The following COPG2 variants were observed in gnomAD, a reference collection of about 807,000 sequenced individuals.
COPG2 encodes the protein coatomer subunit gamma-2.
Under a neutral mutation model 46.3 loss-of-function variants are expected in COPG2, and 37 were observed. The ratio of observed to expected loss-of-function variants is 0.80; its 90% confidence interval spans 0.61 to 1.05. The LOEUF is 1.05. COPG2 is among the 50% of genes least tolerant of loss of function. The pLI is 0.00. For synonymous variants in COPG2, 159 were observed against 129.7 expected (o/e 1.23, Z -1.53); for missense variants, 427 against 387.8 (o/e 1.10, Z -0.85).
rs990741563 is a variant in COPG2, at chr7:130,536,396, G to A, written c.2149+11278C>T. Among the ~76,000 whole-genome samples, 513 of 152,298 alleles carry A rather than the reference G, an allele frequency of 3.4e-3. 2 individuals are homozygous for A. Among genetic ancestry groups the A allele is most frequent in the African/African-American group, 0.012 (487 of 41,566 alleles). On this transcript the variant is annotated intron_variant, in intron 20 of 23. Transcript: ENST00000425248. ...TGAGGGGTGGGTTTCACCCGAGGGA[G>A]GGCTGGGGACATGGACCCCCAGGCA...
At chr7:130,507,905 C>T (rs1323351692) in intron 21 of COPG2, 82 bp from the exon 22 acceptor site, 11 of 715,536 alleles carry the variant, frequency 1.5e-5, no homozygotes, top group Middle Eastern at 5.2e-4. Flanking sequence ...TATGGTCCTC[C>T]GGAGCCTAGA....
At chr7:130,626,049 A>T (rs782055883) in intron 5 of COPG2, among the ~76,000 whole-genome samples, 1 of 152,240 alleles carries the variant, frequency 6.6e-6, no homozygotes, top group African/African-American at 2.4e-5. Flanking sequence ...ATGCATAGTT[A>T]TCACATCAGG....
intron 12 of COPG2, among the ~76,000 whole-genome samples, chr7:130,560,703 C>T (rs1793705095): frequency 6.6e-6 from 1 of 151,986 alleles, no homozygotes; most frequent in East Asian, 1.9e-4. Flanking sequence ...CAAAGCACTC[C>T]AACAGGGAAA....
intron 20 of COPG2, among the ~76,000 whole-genome samples, chr7:130,532,114 G>A (rs1259755092): frequency 1.3e-5 from 2 of 152,214 alleles, no homozygotes; most frequent in Non-Finnish European, 2.9e-5. Context: ...GAAGACGCAC[G>A]TGCAGCAGGG....
rs945147902 is a variant in COPG2 at position 130,535,130 on chromosome 7, A to G, written c.2149+12544T>C. On this transcript the variant is annotated intron_variant, in intron 20 of 23. Coordinates refer to ENST00000425248, the MANE Select transcript of COPG2 (RefSeq NM_012133.6). The stretch of plus-strand genomic sequence containing the variant: ...AGGTCAAAGTAGTGAGCACATCCCT[A>G]TGGAGAAGAGATGACTGAGTCAGAT... Among the ~76,000 whole-genome samples the G allele has an allele frequency of 2.3e-4, 35 of 152,172 alleles. 1 individual carries two copies. The highest frequency in any genetic ancestry group is 1.6e-4 in the Non-Finnish European group (11 of 68,022).
chr7:130,510,863 T>A, intron 20 of COPG2: 1 of 514,402 alleles, frequency 1.9e-6, no homozygotes. Flanking sequence ...GGCCTTTCCA[T>A]GGCAAGAAAA....
chr7:130,522,315 T>G (rs1435990281), intron 20 of COPG2, among the ~76,000 whole-genome samples: 2 of 152,264 alleles, frequency 1.3e-5, no homozygotes, highest in East Asian at 3.9e-4. Context: ...ATGAAAATAC[T>G]ATAGTACAGT....
intron 20 of COPG2, among the ~76,000 whole-genome samples, chr7:130,536,278 C>A (rs916633052): frequency 7.9e-5 from 12 of 151,958 alleles, no homozygotes; most frequent in African/African-American, 2.7e-4. Context: ...AGGAAGTGTA[C>A]CTGGAAATAC....
chr7:130,568,210 C>T (rs1467760276), intron 9 of COPG2, among the ~76,000 whole-genome samples: 1 of 152,022 alleles, frequency 6.6e-6, no homozygotes, highest in Non-Finnish European at 1.5e-5. Context: ...GGGAGACGGA[C>T]GTTGCGGTGA....
Position 130,617,079 on chromosome 7 carries a change from A to T in COPG2, c.324-14T>A. On this transcript the variant is annotated splice_polypyrimidine_tract_variant and intron_variant, in intron 5 of 23. Coordinates refer to ENST00000425248, the MANE Select transcript of COPG2 (RefSeq NM_012133.6). ...TCTTTAGTCAGACTAAGAAAAATCAAATTGGTTAACATAAGATCAATTAAA... is the reference window on the plus strand; with the variant it reads ...TCTTTAGTCAGACTAAGAAAAATCATATTGGTTAACATAAGATCAATTAAA... The T allele has an allele frequency of 6.3e-7, 1 of 1,576,188 alleles. No individual in the cohort carries two copies. Among genetic ancestry groups the T allele is most frequent in the South Asian group, 1.1e-5 (1 of 89,222 alleles).
chr7:130,557,923 C>A (rs1460822243), intron 12 of COPG2, among the ~76,000 whole-genome samples: 1 of 141,672 alleles, frequency 7.1e-6, no homozygotes, highest in Non-Finnish European at 1.5e-5. Context: ...ATATTTAGAA[C>A]AGAGTATAGC....
intron 5 of COPG2, among the ~76,000 whole-genome samples, chr7:130,639,396 T>C (rs1795417821): frequency 6.6e-6 from 1 of 152,170 alleles, no homozygotes; most frequent in Non-Finnish European, 1.5e-5. Context: ...ATTTTGGGGG[T>C]ATCTATTGAT....
At position 130,554,641 on chromosome 7, in the gene COPG2, T is replaced by C. The variant is rs1265143406; in HGVS notation, c.1308A>G (p.Leu436=). Residue 436 remains leucine (L), a synonymous_variant, in exon 14 of 24, where the codon CTA becomes CTG. Coordinates refer to ENST00000425248, the MANE Select transcript of COPG2 (RefSeq NM_012133.6). Reference sequence around the variant, plus strand: ...CCTCAATGAATTCACAAAGGTGGGCTAGGCCTGCTTCTTTACTCTCAGGGT... The same window carrying C: ...CCTCAATGAATTCACAAAGGTGGGCCAGGCCTGCTTCTTTACTCTCAGGGT... ...EENPESKEAG[L]AHLCEFIEDC... is the part of the protein sequence containing the mutation. 5.0e-6 allele frequency: 2 copies of C among 398,504 alleles called. No homozygotes were observed. Among genetic ancestry groups the C allele is most frequent in the Non-Finnish European group, 8.8e-6 (2 of 226,094 alleles). The allele number at this position is 398,504 out of a possible 1,614,324, so 24.7% of individuals were successfully genotyped here.
chr7:130,655,994 T>C (rs1416429713), intron 4 of COPG2, among the ~76,000 whole-genome samples: 1 of 152,186 alleles, frequency 6.6e-6, no homozygotes, highest in Non-Finnish European at 1.5e-5. Flanking sequence ...GTCTATATGA[T>C]TTCAATCCTT....
At chr7:130,623,842 A>G (rs369176205) in intron 5 of COPG2, among the ~76,000 whole-genome samples, 4 of 151,984 alleles carry the variant, frequency 2.6e-5, no homozygotes, top group African/African-American at 7.3e-5. Context: ...GAAAAATAAA[A>G]CAATTTTTTT....
intron 9 of COPG2, chr7:130,603,721 CAAAAA>C (rs782190006): frequency 2.2e-3 from 439 of 202,480 alleles, no homozygotes; most frequent in East Asian, 0.011. Context: ...AACTCAGTCT[CAAAAA>C]AAAAAAAAAA....
chr7:130,583,491 T>TA (rs1794197774), intron 9 of COPG2, among the ~76,000 whole-genome samples: 1 of 34,090 alleles, frequency 2.9e-5, no homozygotes, highest in African/African-American at 1.5e-4. Flanking sequence ...AAACATAAAG[T>TA]ATAAAAAAAA....
intron 9 of COPG2, chr7:130,603,673 A>T (rs1794677134): frequency 2.9e-6 from 1 of 341,722 alleles, no homozygotes; most frequent in African/African-American, 2.3e-5. Flanking sequence ...GTGAGCCAAG[A>T]TGGCACCATT....
Position 130,506,506 on chromosome 7 carries a change from C to A in COPG2, c.*170G>T. 2 of 447,886 alleles carry A rather than the reference C, an allele frequency of 4.5e-6. No homozygotes were observed. The highest frequency in any genetic ancestry group is 4.1e-5 in the South Asian group (1 of 24,280). 27.7% of individuals were successfully genotyped at this position (447,886 alleles called of 1,614,324 possible). A position where few individuals can be genotyped will look rare whatever the true frequency, so the allele number is the denominator to read the frequency against. ...AAAAGAAAAAAAAAAAAAAACAACC[C>A]ATGCGCAAAGATAGACATTTGCTTG... is the stretch of plus-strand genomic sequence containing the variant. On this transcript the variant is annotated 3_prime_UTR_variant, in exon 24 of 24. Transcript: ENST00000425248.
Sources: gnomAD v4.1 joint callset for allele counts (sites outside exome capture counted in the v4.1 genomes callset) on GRCh38, gnomAD v4.1.1 for gene constraint, MANE v1.5 for transcripts, NCBI Gene and HGNC (gene_info 2026-07-23, HGNC 2026-07-21) for gene names.